Variants in ASAP2 observed in about 807,000 individuals in gnomAD.
The protein encoded by ASAP2 is arf-GAP with SH3 domain, ANK repeat and PH domain-containing protein 2.
A neutral mutation model predicts 131.4 loss-of-function variants in ASAP2; 45 were observed. The ratio of observed to expected loss-of-function variants is 0.34; its 90% CI spans 0.27 to 0.44. ASAP2 has a LOEUF of 0.44. ASAP2 is among the 20% of genes least tolerant of loss of function. The probability of loss-of-function intolerance (pLI) is 1.00; values close to 1 mark genes in which losing one functional copy is unlikely to be tolerated. For missense variants in ASAP2, 1,011 were observed against 1,297.0 expected (o/e 0.78, Z 3.39); for synonymous variants, 510 against 503.0 (o/e 1.01, Z -0.19).
rs1410414100 is a variant in ASAP2 at position 9,206,841 on chromosome 2, G to C, written c.-264G>C. 1 of 150,232 alleles carries C rather than the reference G, an allele frequency of 6.7e-6. No individual in the cohort carries two copies. Among genetic ancestry groups the C allele is most frequent in the Admixed American group, 6.8e-5 (1 of 14,730 alleles). The allele number at this position is 150,232 out of a possible 1,614,324, so 9.3% of individuals were successfully genotyped here. On this transcript the variant is annotated 5_prime_UTR_variant, in exon 1 of 28. Coordinates refer to ENST00000281419, the MANE Select transcript of ASAP2 (RefSeq NM_003887.3). This position sits in a 1 kb window ranked among gnomAD's most constrained non-coding sequence, Gnocchi z 4.0. ...CCCGCCGGCTGTGCGCGCCCGCCTC[G>C]GGGCTCGCTCTGAGAGGACGCGGCG... is the stretch of plus-strand genomic sequence containing the variant.
At chr2:9,287,513 A>C (rs1002801445) in intron 2 of ASAP2, among the ~76,000 whole-genome samples, 1 of 152,246 alleles carries the variant, frequency 6.6e-6, no homozygotes, top group Non-Finnish European at 1.5e-5. Flanking sequence ...GAGAGGGCGT[A>C]CATGAAGGGC....
rs181572146 is a variant in ASAP2, at chr2:9,322,291, G to A, written c.471-830G>A. 3.5e-3 allele frequency among the ~76,000 whole-genome samples: 526 copies of A among 152,280 alleles called. 3 individuals are homozygous for A. Among genetic ancestry groups the A allele is most frequent in the African/African-American group, 0.012 (499 of 41,550 alleles). ...TCTAGTCCTCCTTGCCCTAATGACA[G>A]GGAGCCCTCTGGAACCCTGAGTAGC... is the stretch of plus-strand genomic sequence containing the variant. On this transcript the variant is annotated intron_variant, in intron 5 of 27. Transcript: ENST00000281419.
chr2:9,335,638 A>G (rs1456636064), intron 9 of ASAP2, among the ~76,000 whole-genome samples: 2 of 152,174 alleles, frequency 1.3e-5, no homozygotes, highest in African/African-American at 2.4e-5. Context: ...AGCTTTTCTT[A>G]CAGCTGCCTC....
chr2:9,323,334 C>T (rs993132536), intron 6 of ASAP2, 84 bp downstream of exon 6: 112 of 1,548,558 alleles, frequency 7.2e-5, no homozygotes, highest in Non-Finnish European at 8.2e-5. Context: ...CCGGTACCAG[C>T]GGCTTCAGAG....
chr2:9,340,486 G>A (rs1254051787), intron 9 of ASAP2, among the ~76,000 whole-genome samples: 3 of 152,230 alleles, frequency 2.0e-5, no homozygotes, highest in South Asian at 2.1e-4. Flanking sequence ...AGGTGGTAAC[G>A]ATATTTGAAA....
intron 15 of ASAP2, among the ~76,000 whole-genome samples, chr2:9,363,267 A>T (rs1572550786): frequency 6.6e-6 from 1 of 152,304 alleles, no homozygotes; most frequent in East Asian, 1.9e-4. Flanking sequence ...GATGGTGAAG[A>T]CGTGTCTTCA....
At chr2:9,363,595 CT>C (rs1009594161) in intron 15 of ASAP2, among the ~76,000 whole-genome samples, 8 of 151,900 alleles carry the variant, frequency 5.3e-5, no homozygotes, top group African/African-American at 1.7e-4. Flanking sequence ...TTCTCTTTCT[CT>C]TTTTTTTGAC....
At chr2:9,298,394 G>A (rs1668280059) in intron 3 of ASAP2, among the ~76,000 whole-genome samples, 1 of 152,202 alleles carries the variant, frequency 6.6e-6, no homozygotes, top group Admixed American at 6.5e-5. Context: ...AAGAGCAGGA[G>A]CACTCGGGCC....
rs558841812 is a variant in ASAP2, at chr2:9,315,020, G to A, written c.346-3504G>A. ...GGGGTTGCTTAGTAGAGAAGGTGGC[G>A]TTTGAGTAACTCCTGATGGATGAGA... On this transcript the variant is annotated intron_variant, in intron 3 of 27. Transcript: ENST00000281419. Among the ~76,000 whole-genome samples, 40 of 152,122 alleles carry A rather than the reference G, an allele frequency of 2.6e-4. No individual in the cohort carries two copies. In the South Asian group the frequency reaches 8.1e-3, roughly 31 times the overall value.
At chr2:9,292,077 C>G (rs575456928) in intron 2 of ASAP2, among the ~76,000 whole-genome samples, 2 of 152,100 alleles carry the variant, frequency 1.3e-5, no homozygotes, top group Non-Finnish European at 2.9e-5. Context: ...AAGTCATCAC[C>G]CTCTCTGAGC....
chr2:9,388,271 T>C, intron 21 of ASAP2, 23 bp from the exon 22 acceptor site: 1 of 1,612,374 alleles, frequency 6.2e-7, no homozygotes, highest in Non-Finnish European at 8.5e-7. Flanking sequence ...CTCACACGCC[T>C]CTGCCCCAAT....
intron 7 of ASAP2, among the ~76,000 whole-genome samples, chr2:9,333,261 A>G (rs1008663354): frequency 2.6e-5 from 4 of 152,266 alleles, no homozygotes; most frequent in African/African-American, 7.2e-5. Flanking sequence ...CATTCAATAA[A>G]TGGCATGTGC....
At position 9,392,699 on chromosome 2, in the gene ASAP2, G is replaced by T. The variant is rs528581090; in HGVS notation, c.2519-783G>T. On this transcript the variant is annotated intron_variant, in intron 23 of 27. Transcript: ENST00000281419. This position sits in a 1 kb window ranked among gnomAD's most constrained non-coding sequence, Gnocchi z 4.0. ...GCTGGATCCCTTCATGTTTCCCCAC[G>T]CCAGTTTCCTCTCTGTGTAGCTGAA... Among the ~76,000 whole-genome samples the T allele has an allele frequency of 6.6e-6, 1 of 152,118 alleles. No individual in the cohort carries two copies. Among genetic ancestry groups the T allele is most frequent in the East Asian group, 1.9e-4 (1 of 5,196 alleles).
chr2:9,244,453 A>G (rs1664195371), intron 1 of ASAP2, among the ~76,000 whole-genome samples: 1 of 152,268 alleles, frequency 6.6e-6, no homozygotes, highest in Non-Finnish European at 1.5e-5. Context: ...AAACCCTGAA[A>G]GAAGTTTTTG....
intron 1 of ASAP2, among the ~76,000 whole-genome samples, chr2:9,256,495 C>T (rs771475737): frequency 1.3e-5 from 2 of 152,222 alleles, no homozygotes; most frequent in Non-Finnish European, 2.9e-5. Flanking sequence ...GAGATAAGGA[C>T]TGCAAGGAGA....
At chr2:9,267,991 C>T (rs1425532808) in intron 1 of ASAP2, among the ~76,000 whole-genome samples, 1 of 151,952 alleles carries the variant, frequency 6.6e-6, no homozygotes, top group East Asian at 1.9e-4. Context: ...CATCGTAACG[C>T]CCTCAGAAGC....
chr2:9,352,393 T>C (rs565863244), intron 12 of ASAP2, among the ~76,000 whole-genome samples: 49 of 152,322 alleles, frequency 3.2e-4, no homozygotes, highest in Non-Finnish European at 6.5e-4. Flanking sequence ...TTTTCTGAAC[T>C]AGTAACACAC....
intron 2 of ASAP2, among the ~76,000 whole-genome samples, chr2:9,287,583 A>G (rs1446645355): frequency 6.6e-6 from 1 of 152,198 alleles, no homozygotes; most frequent in East Asian, 1.9e-4. Context: ...GGCTTTCACA[A>G]GAGCAAGCCT....
At chr2:9,349,752 G>A (rs550564583) in intron 11 of ASAP2, among the ~76,000 whole-genome samples, 15 of 152,142 alleles carry the variant, frequency 9.9e-5, no homozygotes, top group Non-Finnish European at 1.9e-4. Flanking sequence ...TGCAAGGATG[G>A]GTTCAACTCT....
Sources: allele counts gnomAD v4.1 joint callset (sites outside exome capture counted in the v4.1 genomes callset), GRCh38; gene constraint gnomAD v4.1.1; non-coding constraint Gnocchi (gnomAD v3.1); transcripts MANE v1.5; gene names NCBI Gene and HGNC (gene_info 2026-07-23, HGNC 2026-07-21).